The following CCSER1 variants were observed in gnomAD, a reference collection of about 807,000 sequenced individuals.
The protein encoded by CCSER1 is coiled-coil serine rich protein 1, also known as serine-rich coiled-coil domain-containing protein 1.
CCSER1 carries 41 observed loss-of-function variants against 82.0 expected under a neutral mutation model. The observed-to-expected ratio is 0.50, with a 90% CI of 0.39 to 0.65. The LOEUF (loss-of-function observed/expected upper bound fraction) is 0.65, where lower values mean the gene tolerates loss of function less well. Ranked by LOEUF, CCSER1 falls within the 30% of genes least tolerant of loss-of-function variation. CCSER1 has a pLI of 0.00. For synonymous variants in CCSER1, 414 were observed against 383.9 expected (o/e 1.08, Z -0.92); for missense variants, 1,119 against 1,064.2 (o/e 1.05, Z -0.72).
intron 3 of CCSER1, among the ~76,000 whole-genome samples, chr4:90,352,691 T>TAC (rs375028931): frequency 0.016 from 2,467 of 150,828 alleles, 30 homozygotes; most frequent in Non-Finnish European, 0.02. Flanking sequence ...TATGTATATA[T>TAC]ACACACACAC....
intron 1 of CCSER1, among the ~76,000 whole-genome samples, chr4:90,306,486 A>G (rs1273815293): frequency 6.6e-6 from 1 of 152,188 alleles, no homozygotes; most frequent in African/African-American, 2.4e-5. Context: ...AATAAAATCA[A>G]TTTTTAAAAT....
intron 10 of CCSER1, among the ~76,000 whole-genome samples, chr4:91,246,784 T>C (rs1030350541): frequency 1.5e-4 from 22 of 149,208 alleles, no homozygotes; most frequent in African/African-American, 5.2e-4. Flanking sequence ...TACTGTGTAC[T>C]CAGAAAATTT....
At chr4:91,143,573 G>A (rs1165774648) in intron 10 of CCSER1, among the ~76,000 whole-genome samples, 1 of 152,042 alleles carries the variant, frequency 6.6e-6, no homozygotes, top group Non-Finnish European at 1.5e-5. Flanking sequence ...AATGCCTCTA[G>A]CTTTTGCCCA....
At chr4:90,801,111 AT>A (rs1374672242) in intron 7 of CCSER1, among the ~76,000 whole-genome samples, 8 of 152,298 alleles carry the variant, frequency 5.3e-5, no homozygotes, top group African/African-American at 1.9e-4. Flanking sequence ...ACATAGTCTC[AT>A]GGAACTTTTT....
At chr4:91,248,765 T>G (rs139940959) in intron 10 of CCSER1, among the ~76,000 whole-genome samples, 1 of 148,206 alleles carries the variant, frequency 6.7e-6, no homozygotes, top group Non-Finnish European at 1.5e-5. Context: ...ATATCGACTT[T>G]AGTTAATAAT....
chr4:90,387,454 A>T (rs78423082), intron 3 of CCSER1, among the ~76,000 whole-genome samples: 15,133 of 152,202 alleles, frequency 0.099, 935 homozygotes, highest in Middle Eastern at 0.17. Context: ...GGTTTCTGAG[A>T]GGTAATCTGT....
chr4:90,872,419 ATTACT>A (rs1277032126), intron 8 of CCSER1, among the ~76,000 whole-genome samples: 1 of 151,952 alleles, frequency 6.6e-6, no homozygotes, highest in Non-Finnish European at 1.5e-5. Context: ...CTTATAACAA[ATTACT>A]TTAAACTGTT....
At chr4:90,530,834 T>A (rs561662192) in intron 5 of CCSER1, among the ~76,000 whole-genome samples, 1 of 152,282 alleles carries the variant, frequency 6.6e-6, no homozygotes, top group East Asian at 1.9e-4. Flanking sequence ...TTCCTTTTGC[T>A]AGTCACATGA....
intron 10 of CCSER1, among the ~76,000 whole-genome samples, chr4:91,528,169 C>T (rs1403094757): frequency 2.6e-5 from 4 of 152,090 alleles, no homozygotes; most frequent in African/African-American, 9.7e-5. Context: ...AATGCACTTG[C>T]CTTGGCCTCT....
At chr4:91,110,081 T>C in intron 10 of CCSER1, among the ~76,000 whole-genome samples, 1 of 152,096 alleles carries the variant, frequency 6.6e-6, no homozygotes, top group Non-Finnish European at 1.5e-5. Flanking sequence ...TTTTAACTCA[T>C]CTACCTGTTA....
At chr4:91,102,124 A>G (rs901022969) in intron 10 of CCSER1, among the ~76,000 whole-genome samples, 1 of 152,274 alleles carries the variant, frequency 6.6e-6, no homozygotes, top group South Asian at 2.1e-4. Flanking sequence ...ATAGCTCTAC[A>G]ATTTTTTCAC....
At chr4:90,431,010 A>G (rs1343101707) in intron 4 of CCSER1, among the ~76,000 whole-genome samples, 1 of 151,956 alleles carries the variant, frequency 6.6e-6, no homozygotes. Flanking sequence ...AGGTAAATGG[A>G]TGGCCTGTTT....
At chr4:91,329,983 A>T (rs1482506741) in intron 10 of CCSER1, among the ~76,000 whole-genome samples, 1 of 151,864 alleles carries the variant, frequency 6.6e-6, no homozygotes, top group Non-Finnish European at 1.5e-5. Flanking sequence ...TGCTCTTAAG[A>T]GTATGAGTTT....
intron 5 of CCSER1, among the ~76,000 whole-genome samples, chr4:90,604,262 G>A (rs1784360135): frequency 6.6e-6 from 1 of 152,168 alleles, no homozygotes; most frequent in African/African-American, 2.4e-5. Flanking sequence ...TCCCTTCTTG[G>A]TAAACATCCT....
chr4:90,474,434 C>T (rs921803534), intron 5 of CCSER1, among the ~76,000 whole-genome samples: 4 of 152,150 alleles, frequency 2.6e-5, no homozygotes, highest in Non-Finnish European at 4.4e-5. Flanking sequence ...TTAGATTTGC[C>T]TTTTGAAAAC....
intron 10 of CCSER1, among the ~76,000 whole-genome samples, chr4:91,108,748 T>G (rs982341810): frequency 6.6e-6 from 1 of 152,224 alleles, no homozygotes; most frequent in African/African-American, 2.4e-5. Flanking sequence ...AAACTGTTGC[T>G]TTCTCCTCTG....
intron 3 of CCSER1, among the ~76,000 whole-genome samples, chr4:90,371,555 C>G (rs1747420505): frequency 6.8e-6 from 1 of 146,392 alleles, no homozygotes. Context: ...AGAAAAAAAA[C>G]AGTTATGAAA....
At chr4:90,192,920 A>C (rs1023856043) in intron 1 of CCSER1, among the ~76,000 whole-genome samples, 1 of 152,048 alleles carries the variant, frequency 6.6e-6, no homozygotes, top group African/African-American at 2.4e-5. Context: ...CAGGAACAAA[A>C]AACAATTTTT....
chr4:90,639,722 A>G (rs1232118156), intron 6 of CCSER1, among the ~76,000 whole-genome samples: 1 of 152,090 alleles, frequency 6.6e-6, no homozygotes, highest in Admixed American at 6.6e-5. Flanking sequence ...AGACTAGAAG[A>G]GGAGTAACCT....
Sources: gnomAD v4.1 joint callset for allele counts (sites outside exome capture counted in the v4.1 genomes callset) on GRCh38, gnomAD v4.1.1 for gene constraint, MANE v1.5 for transcripts, NCBI Gene and HGNC (gene_info 2026-07-23, HGNC 2026-07-21) for gene names.